The following ENOX1 variants were observed in gnomAD, a reference collection of about 807,000 sequenced individuals.
ENOX1 encodes ecto-NOX disulfide-thiol exchanger 1, also known as candidate growth-related and time keeping constitutive hydroquinone (NADH) oxidase.
A neutral mutation model predicts 82.5 loss-of-function variants in ENOX1; 42 were observed. That is an observed-to-expected ratio of 0.51 (90% CI 0.40 to 0.66). ENOX1 has a LOEUF of 0.66. Among genes scored for constraint, ENOX1 ranks in the 30% least tolerant of loss-of-function variants. The pLI, the probability that ENOX1 is intolerant of heterozygous loss-of-function variation, is 0.00. For synonymous variants in ENOX1, 271 were observed against 282.2 expected (o/e 0.96, Z 0.40); for missense variants, 608 against 811.6 (o/e 0.75, Z 3.05).
At chr13:43,422,325 C>T (rs2055026020) in intron 3 of ENOX1, among the ~76,000 whole-genome samples, 1 of 152,096 alleles carries the variant, frequency 6.6e-6, no homozygotes, top group Non-Finnish European at 1.5e-5. Flanking sequence ...ATCTCCAGAC[C>T]CATTAAGCAG....
chr13:43,234,774 C>T (rs2042445202), intron 15 of ENOX1, among the ~76,000 whole-genome samples: 2 of 152,154 alleles, frequency 1.3e-5, no homozygotes, highest in African/African-American at 4.8e-5. Context: ...ATATAAAGCA[C>T]ATCATTTAAA....
intron 2 of ENOX1, among the ~76,000 whole-genome samples, chr13:43,664,120 T>C (rs2153787109): frequency 6.6e-6 from 1 of 152,300 alleles, no homozygotes; most frequent in South Asian, 2.1e-4. Context: ...AATAATTACA[T>C]TCTAATGTCA....
chr13:43,667,568 T>C lies in ENOX1; in HGVS notation c.-284-24A>G, dbSNP rs541694372. The C allele has an allele frequency of 6.7e-6, 6 of 891,794 alleles. No homozygotes were observed. The African/African-American group carries it at 7.2e-5, about 11-fold the overall frequency. 55.2% of individuals were successfully genotyped at this position (891,794 alleles called of 1,614,324 possible). On this transcript the variant is annotated intron_variant, in intron 1 of 16. Coordinates refer to ENST00000690772, the MANE Select transcript of ENOX1 (RefSeq NM_001347969.2). ...ACCTGTAAAATAAAGGCCATCTTGT[T>C]AGAAAAAACTTCAAACATCAATTTC...
At chr13:43,451,595 A>T (rs893427312) in intron 3 of ENOX1, among the ~76,000 whole-genome samples, 2 of 152,182 alleles carry the variant, frequency 1.3e-5, no homozygotes, top group Admixed American at 1.3e-4. Context: ...TTCACAAAAC[A>T]CTTTAAATGG....
chr13:43,406,238 A>G (rs980289890), intron 5 of ENOX1, among the ~76,000 whole-genome samples: 1 of 152,196 alleles, frequency 6.6e-6, no homozygotes, highest in Non-Finnish European at 1.5e-5. Flanking sequence ...GAGGGTAGTG[A>G]AGGGGACGGA....
intron 1 of ENOX1, among the ~76,000 whole-genome samples, chr13:43,769,029 A>AAG (rs1164274513): frequency 6.6e-6 from 1 of 152,242 alleles, no homozygotes; most frequent in Non-Finnish European, 1.5e-5. Context: ...TTGAGGAGAG[A>AAG]AGAAGCAACA....
chr13:43,551,960 G>A lies in ENOX1; in HGVS notation c.-218-67808C>T, dbSNP rs192452055. Among the ~76,000 whole-genome samples the A allele has an allele frequency of 1.1e-4, 17 of 152,140 alleles. No individual in the cohort carries two copies. In the East Asian group the frequency reaches 1.7e-3, roughly 16 times the overall value. ...CTGGTTTTATGAGGAGCTGGGTTTC[G>A]TTCTCAGCTTCTCTGTATTTTAATG... On this transcript the variant is annotated intron_variant, in intron 2 of 16. Coordinates refer to ENST00000690772, the MANE Select transcript of ENOX1 (RefSeq NM_001347969.2).
chr13:43,262,910 G>A (rs2044159927), intron 14 of ENOX1, among the ~76,000 whole-genome samples: 1 of 152,170 alleles, frequency 6.6e-6, no homozygotes, highest in African/African-American at 2.4e-5. Context: ...ATTTGTCTCA[G>A]TCACATGGCT....
intron 3 of ENOX1, among the ~76,000 whole-genome samples, chr13:43,436,476 T>C (rs749665719): frequency 1.3e-5 from 2 of 152,192 alleles, no homozygotes; most frequent in African/African-American, 2.4e-5. Context: ...TAAAATATTA[T>C]ATATGTTAAG....
chr13:43,230,337 G>A (rs1375557103), intron 15 of ENOX1, among the ~76,000 whole-genome samples: 2 of 152,152 alleles, frequency 1.3e-5, no homozygotes, highest in Non-Finnish European at 2.9e-5. Flanking sequence ...AGGGAATGGT[G>A]ACTGTGAGCA....
At chr13:43,341,607 A>T (rs2049064349) in intron 9 of ENOX1, among the ~76,000 whole-genome samples, 1 of 152,190 alleles carries the variant, frequency 6.6e-6, no homozygotes, top group Non-Finnish European at 1.5e-5. Context: ...TATTCTCTAA[A>T]TGCAATGGGG....
At chr13:43,517,581 A>G (rs1275023784) in intron 2 of ENOX1, among the ~76,000 whole-genome samples, 1 of 152,122 alleles carries the variant, frequency 6.6e-6, no homozygotes, top group Non-Finnish European at 1.5e-5. Flanking sequence ...CTCATGGAAT[A>G]AATCCCAATC....
chr13:43,478,643 C>T (rs1271081638), intron 3 of ENOX1, among the ~76,000 whole-genome samples: 1 of 152,024 alleles, frequency 6.6e-6, no homozygotes, highest in Non-Finnish European at 1.5e-5. Flanking sequence ...TACTAGAAAT[C>T]AAAGAAAAGG....
intron 1 of ENOX1, among the ~76,000 whole-genome samples, chr13:43,736,560 C>T (rs1356630372): frequency 6.6e-6 from 1 of 152,138 alleles, no homozygotes; most frequent in Non-Finnish European, 1.5e-5. Flanking sequence ...CCTGTGCTAA[C>T]GGTTGTGGAC....
intron 3 of ENOX1, among the ~76,000 whole-genome samples, chr13:43,450,729 A>G (rs1302151178): frequency 1.3e-5 from 2 of 152,144 alleles, no homozygotes; most frequent in Non-Finnish European, 2.9e-5. Context: ...GATAAAAGGA[A>G]GCAGGTAGTG....
intron 12 of ENOX1, among the ~76,000 whole-genome samples, chr13:43,277,493 A>G (rs1026292642): frequency 1.3e-5 from 2 of 152,166 alleles, no homozygotes; most frequent in Non-Finnish European, 2.9e-5. Flanking sequence ...GGAGTGAGAA[A>G]GCTCAAGTAA....
intron 7 of ENOX1, among the ~76,000 whole-genome samples, chr13:43,356,512 G>A (rs995210512): frequency 1.3e-4 from 20 of 152,050 alleles, no homozygotes; most frequent in Admixed American, 9.8e-4. Flanking sequence ...TTGGCATGGA[G>A]CATTTTTTTT....
At chr13:43,266,029 T>C (rs1301801035) in intron 13 of ENOX1, among the ~76,000 whole-genome samples, 1 of 152,206 alleles carries the variant, frequency 6.6e-6, no homozygotes, top group African/African-American at 2.4e-5. Flanking sequence ...AAATTATATT[T>C]CTCTAATGAG....
intron 14 of ENOX1, among the ~76,000 whole-genome samples, chr13:43,255,961 C>A (rs945117462): frequency 6.6e-6 from 1 of 152,058 alleles, no homozygotes; most frequent in Non-Finnish European, 1.5e-5. Context: ...AGCATAAAAA[C>A]AAACACATAA....
Sources: gnomAD v4.1 joint callset for allele counts (sites outside exome capture counted in the v4.1 genomes callset) on GRCh38, gnomAD v4.1.1 for gene constraint, MANE v1.5 for transcripts, NCBI Gene and HGNC (gene_info 2026-07-23, HGNC 2026-07-21) for gene names.